Variants in CYTH3 observed in about 807,000 individuals in gnomAD.
CYTH3 encodes cytohesin-3.
Under a neutral mutation model 55.1 loss-of-function variants are expected in CYTH3, and 23 were observed. The observed-to-expected ratio is 0.42, with a 90% CI of 0.30 to 0.59. The LOEUF is 0.59. Ranked by LOEUF, CYTH3 falls within the 20% of genes least tolerant of loss-of-function variation. CYTH3 has a pLI of 0.20. For missense variants in CYTH3, 413 were observed against 524.8 expected (o/e 0.79, Z 2.08); for synonymous variants, 249 against 194.9 (o/e 1.28, Z -2.31).
chr7:6,250,604 C>T (rs1016212666), intron 1 of CYTH3, among the ~76,000 whole-genome samples: 13 of 152,128 alleles, frequency 8.5e-5, no homozygotes, highest in African/African-American at 2.9e-4. Flanking sequence ...ACACAGAAGA[C>T]CACATATTCT....
At chr7:6,263,705 G>A (rs1173078252) in intron 1 of CYTH3, among the ~76,000 whole-genome samples, 1 of 151,686 alleles carries the variant, frequency 6.6e-6, no homozygotes, top group Middle Eastern at 3.2e-3. Context: ...GGTTAAGGCA[G>A]AAGAATCGCT....
At chr7:6,227,285 G>GT (rs953952085) in intron 1 of CYTH3, among the ~76,000 whole-genome samples, 35 of 152,066 alleles carry the variant, frequency 2.3e-4, no homozygotes, top group African/African-American at 8.5e-4. Context: ...GAAGATGGTT[G>GT]TAAAGTTAGC....
In CYTH3 at chr7:6,171,416, G is replaced by A. The variant is rs2128537706; in HGVS notation, c.450-102C>T. The A allele has an allele frequency of 1.9e-6, 2 of 1,038,928 alleles. No individual in the cohort carries two copies. The highest frequency in any genetic ancestry group is 1.6e-5 in the African/African-American group (1 of 63,582). The allele number at this position is 1,038,928 out of a possible 1,614,324, so 64.4% of individuals were successfully genotyped here. On this transcript the variant is annotated intron_variant, in intron 6 of 12. Coordinates refer to ENST00000350796, the MANE Select transcript of CYTH3 (RefSeq NM_004227.4). This position sits in a 1 kb window ranked among gnomAD's most constrained non-coding sequence, Gnocchi z 6.7. ...CTCAGGAAGGACGTTTTCCTCCCGA[G>A]CCTGGGGTACAGCTCTGGCAGGGGC...
intron 1 of CYTH3, 37 bp downstream of exon 1, chr7:6,272,437 A>AG (rs1250872212): frequency 3.5e-6 from 3 of 846,830 alleles, no homozygotes; most frequent in African/African-American, 1.9e-5. Context: ...CCCCGACCCC[A>AG]GGCCGCCGGC....
At chr7:6,261,931 T>C (rs947347527) in intron 1 of CYTH3, among the ~76,000 whole-genome samples, 9 of 152,058 alleles carry the variant, frequency 5.9e-5, no homozygotes, top group African/African-American at 2.2e-4. Flanking sequence ...ATCGGAGTTA[T>C]CAGACACAGA....
At chr7:6,229,877 C>T (rs1251474706) in intron 1 of CYTH3, among the ~76,000 whole-genome samples, 2 of 151,030 alleles carry the variant, frequency 1.3e-5, no homozygotes, top group East Asian at 2.0e-4. Context: ...GGCTCATGCC[C>T]GTAATCCCAA....
At chr7:6,175,258 A>T (rs1276290596) in intron 5 of CYTH3, among the ~76,000 whole-genome samples, 1 of 152,078 alleles carries the variant, frequency 6.6e-6, no homozygotes, top group African/African-American at 2.4e-5. Flanking sequence ...GAACCAAGGA[A>T]TCTGTAACTG....
chr7:6,165,471 G>C (rs764092562), intron 11 of CYTH3, 44 bp from the exon 12 acceptor site: 1 of 1,609,146 alleles, frequency 6.2e-7, no homozygotes, highest in African/African-American at 1.3e-5. Context: ...GGGGCTTGGG[G>C]CAGGTTCCCT....
chr7:6,246,545 T>A (rs1779821921), intron 1 of CYTH3, among the ~76,000 whole-genome samples: 1 of 152,120 alleles, frequency 6.6e-6, no homozygotes. Context: ...CTACTTTGAA[T>A]TTTCTAGTGA....
At chr7:6,227,795 G>A (rs1311438273) in intron 1 of CYTH3, among the ~76,000 whole-genome samples, 1 of 152,184 alleles carries the variant, frequency 6.6e-6, no homozygotes, top group Admixed American at 6.5e-5. Context: ...AAACTTTATT[G>A]AGAATGTTCC....
At chr7:6,187,517 G>T in intron 3 of CYTH3, 140 bp downstream of exon 3, 1 of 758,772 alleles carries the variant, frequency 1.3e-6, no homozygotes, top group Non-Finnish European at 2.3e-6. Flanking sequence ...ACGCAGAGTA[G>T]GGGGAGAGGA....
At chr7:6,267,174 C>T (rs147796574) in intron 1 of CYTH3, among the ~76,000 whole-genome samples, 32 of 152,336 alleles carry the variant, frequency 2.1e-4, no homozygotes, top group African/African-American at 7.7e-4. Context: ...TCCCCAGGAG[C>T]CGAGCAGATG....
At position 6,173,784 on chromosome 7, in the gene CYTH3, T is replaced by C. The variant is rs1439773762; in HGVS notation, c.369-51A>G. On this transcript the variant is annotated intron_variant, in intron 5 of 12. Transcript: ENST00000350796. ...AACCTAATGTACATTATCGCAATCATTTTAAAAGATGCGGCTGATGAATAA... is the reference window on the plus strand; with the variant it reads ...AACCTAATGTACATTATCGCAATCACTTTAAAAGATGCGGCTGATGAATAA... 4.7e-6 allele frequency: 5 copies of C among 1,062,610 alleles called. No individual in the cohort carries two copies. The South Asian group carries it at 5.0e-5, about 11-fold the overall frequency. 65.8% of individuals were successfully genotyped at this position (1,062,610 alleles called of 1,614,324 possible).
At chr7:6,238,760 G>A (rs1369981261) in intron 1 of CYTH3, among the ~76,000 whole-genome samples, 1 of 152,130 alleles carries the variant, frequency 6.6e-6, no homozygotes, top group Non-Finnish European at 1.5e-5. Context: ...GAAGGGTGTC[G>A]ACAGCCGGGG....
intron 9 of CYTH3, among the ~76,000 whole-genome samples, chr7:6,168,105 T>C (rs1346311104): frequency 2.0e-5 from 3 of 152,106 alleles, no homozygotes; most frequent in African/African-American, 4.8e-5. Context: ...GGAGCCACTT[T>C]CTCTCTGTAA....
chr7:6,179,858 CCACACACACCCACACACA>C (rs144812900), intron 4 of CYTH3, among the ~76,000 whole-genome samples: 1 of 121,250 alleles, frequency 8.2e-6, no homozygotes, highest in African/African-American at 3.6e-5. Flanking sequence ...CACAGACACA[CCACACACACCCACACACA>C]CCACACACAC....
chr7:6,243,349 A>C (rs1388797318), intron 1 of CYTH3, among the ~76,000 whole-genome samples: 1 of 152,230 alleles, frequency 6.6e-6, no homozygotes, highest in Non-Finnish European at 1.5e-5. Context: ...CCTGACCCCC[A>C]GCAGCGGTCA....
chr7:6,258,948 T>G (rs1339473529), intron 1 of CYTH3, among the ~76,000 whole-genome samples: 1 of 152,152 alleles, frequency 6.6e-6, no homozygotes, highest in Non-Finnish European at 1.5e-5. Flanking sequence ...CACTAAAAAA[T>G]GAAAACAAGA....
chr7:6,265,841 G>T (rs768870958), intron 1 of CYTH3, among the ~76,000 whole-genome samples: 13 of 152,092 alleles, frequency 8.5e-5, no homozygotes, highest in Non-Finnish European at 1.3e-4. Flanking sequence ...TAAGGCAAAA[G>T]AAGTGAAAGA....
Sources: gnomAD v4.1 joint callset for allele counts (sites outside exome capture counted in the v4.1 genomes callset) on GRCh38, gnomAD v4.1.1 for gene constraint, Gnocchi (gnomAD v3.1) non-coding constraint, MANE v1.5 for transcripts, NCBI Gene and HGNC (gene_info 2026-07-23, HGNC 2026-07-21) for gene names.